Variants in WDR41 observed in about 807,000 individuals in gnomAD.
The protein encoded by WDR41 is WD repeat-containing protein 41.
Under a neutral mutation model 69.3 loss-of-function variants are expected in WDR41, and 63 were observed. That is an observed-to-expected ratio of 0.91 (90% CI 0.74 to 1.12). The LOEUF (loss-of-function observed/expected upper bound fraction) is 1.12, where lower values mean the gene tolerates loss of function less well. WDR41 is among the 50% of genes most tolerant of loss of function. WDR41 has a pLI of 0.00. For missense variants in WDR41, 543 were observed against 534.5 expected (o/e 1.02, Z -0.16); for synonymous variants, 185 against 192.1 (o/e 0.96, Z 0.31).
chr5:77,511,670 C>A (rs1802205329), intron 1 of WDR41, among the ~76,000 whole-genome samples: 2 of 152,120 alleles, frequency 1.3e-5, no homozygotes. Flanking sequence ...TCCATTACAT[C>A]TGCAGTTCTA....
chr5:77,572,574 C>T (rs957943901), intron 1 of WDR41, among the ~76,000 whole-genome samples: 10 of 152,050 alleles, frequency 6.6e-5, no homozygotes, highest in African/African-American at 2.2e-4. Context: ...AATTTTTTAC[C>T]TAACAATTTC....
intron 10 of WDR41, among the ~76,000 whole-genome samples, chr5:77,437,779 AAAT>A (rs1799002904): frequency 6.6e-6 from 1 of 152,152 alleles, no homozygotes; most frequent in Middle Eastern, 3.2e-3. Flanking sequence ...CCTGCATAGA[AAAT>A]AATGATAGTC....
At chr5:77,490,940 A>G (rs1801748536) in intron 1 of WDR41, among the ~76,000 whole-genome samples, 2 of 152,238 alleles carry the variant, frequency 1.3e-5, no homozygotes, top group African/African-American at 2.4e-5. Context: ...CAACAATCCA[A>G]TTTCTTACTT....
At chr5:77,503,612 C>A (rs1001261800) in intron 1 of WDR41, among the ~76,000 whole-genome samples, 18 of 152,116 alleles carry the variant, frequency 1.2e-4, no homozygotes. Flanking sequence ...CTAAAATTGA[C>A]CACATAATTG....
chr5:77,438,188 C>T (rs370492619), intron 10 of WDR41, 52 bp downstream of exon 10: 10 of 1,610,188 alleles, frequency 6.2e-6, no homozygotes, highest in Non-Finnish European at 8.5e-6. Flanking sequence ...ACTGGTAGCC[C>T]TGGGAACTGT....
At chr5:77,554,521 C>T (rs1015289549) in intron 1 of WDR41, among the ~76,000 whole-genome samples, 4 of 151,902 alleles carry the variant, frequency 2.6e-5, no homozygotes, top group African/African-American at 7.3e-5. Context: ...GGAGACAGGC[C>T]CTCTCCAGAA....
At chr5:77,497,251 G>A (rs774971231), upstream of WDR41, among the ~76,000 whole-genome samples, 1 of 152,000 alleles carries the variant, frequency 6.6e-6, no homozygotes, top group Non-Finnish European at 1.5e-5. Context: ...AAACCAATTT[G>A]ACTTCATCAA....
chr5:77,512,355 AGTGTGTGTGTGT>A lies in WDR41; in HGVS notation c.43-22795_43-22784del, dbSNP rs111485869. Among the ~76,000 whole-genome samples, 595 of 119,380 alleles carry A rather than the reference AGTGTGTGTGTGT, an allele frequency of 5.0e-3. 6 individuals carry two copies. Among genetic ancestry groups the A allele is most frequent in the African/African-American group, 0.015 (470 of 31,176 alleles). The allele number at this position is 119,380 out of a possible 152,430, so 78.3% of individuals were successfully genotyped here. A position where few individuals can be genotyped will look rare whatever the true frequency, so the allele number is the denominator to read the frequency against. ...GTGAGAGAGAGAGAGAGAGAGAGTGAGTGTGTGTGTGTGTGTGTGTGTGTGTGTGTGTGTGTG... is the reference window on the plus strand; with the variant it reads ...GTGAGAGAGAGAGAGAGAGAGAGTGAGTGTGTGTGTGTGTGTGTGTGTGTG... On this transcript the variant is annotated intron_variant, in intron 1 of 5. Transcript: ENST00000509971.
intron 1 of WDR41, among the ~76,000 whole-genome samples, chr5:77,568,041 C>G (rs1580013909): frequency 6.6e-6 from 1 of 151,934 alleles, no homozygotes; most frequent in Non-Finnish European, 1.5e-5. Flanking sequence ...TCTATATCAG[C>G]TATACTGACT....
intron 1 of WDR41, among the ~76,000 whole-genome samples, chr5:77,603,691 A>T (rs1580047525): frequency 6.6e-6 from 1 of 152,104 alleles, no homozygotes; most frequent in Admixed American, 6.6e-5. Context: ...TTCTTCCAGT[A>T]GTTTTATAGT....
intron 1 of WDR41, among the ~76,000 whole-genome samples, chr5:77,576,557 C>G (rs1056849087): frequency 6.6e-6 from 1 of 152,126 alleles, no homozygotes; most frequent in Non-Finnish European, 1.5e-5. Context: ...TCTCTGTTCC[C>G]CACTTCTTGA....
intron 1 of WDR41, among the ~76,000 whole-genome samples, chr5:77,523,251 T>C (rs1802399457): frequency 6.6e-6 from 1 of 151,758 alleles, no homozygotes; most frequent in Middle Eastern, 3.2e-3. Context: ...GAGGCGGAGA[T>C]TGCAGTGAGC....
intron 2 of WDR41, among the ~76,000 whole-genome samples, chr5:77,472,260 G>C (rs1800659442): frequency 6.6e-6 from 1 of 152,150 alleles, no homozygotes; most frequent in Non-Finnish European, 1.5e-5. Context: ...ATTAGGTATG[G>C]ATGGGACATA....
chr5:77,566,995 C>T (rs941334923), intron 1 of WDR41, among the ~76,000 whole-genome samples: 8 of 152,144 alleles, frequency 5.3e-5, no homozygotes, highest in African/African-American at 1.7e-4. Flanking sequence ...TATGGTAGTA[C>T]ATGAACCAAC....
chr5:77,565,922 A>G (rs1378880129), intron 1 of WDR41, among the ~76,000 whole-genome samples: 1 of 152,198 alleles, frequency 6.6e-6, no homozygotes, highest in Admixed American at 6.5e-5. Context: ...TCAACACATT[A>G]TTGTAATTAA....
intron 1 of WDR41, among the ~76,000 whole-genome samples, chr5:77,574,162 G>T (rs1244149949): frequency 6.6e-6 from 1 of 152,062 alleles, no homozygotes; most frequent in Admixed American, 6.5e-5. Flanking sequence ...GCCAGGTATG[G>T]TGGCACGTTC....
At chr5:77,435,064 G>A (rs1377857153) in intron 12 of WDR41, among the ~76,000 whole-genome samples, 4 of 152,130 alleles carry the variant, frequency 2.6e-5, no homozygotes, top group African/African-American at 9.7e-5. Flanking sequence ...CTCCGGCCTA[G>A]CCAAGGTGCT....
intron 1 of WDR41, among the ~76,000 whole-genome samples, chr5:77,509,042 G>C (rs1476105089): frequency 6.6e-6 from 1 of 152,202 alleles, no homozygotes; most frequent in African/African-American, 2.4e-5. Flanking sequence ...TTTGAGGCTA[G>C]TGTTTGAGGT....
intron 8 of WDR41, among the ~76,000 whole-genome samples, chr5:77,446,653 C>T (rs1799394320): frequency 6.6e-6 from 1 of 152,110 alleles, no homozygotes; most frequent in South Asian, 2.1e-4. Context: ...TTCAACAAAC[C>T]TGACAAAAAC....
Sources: gnomAD v4.1 joint callset for allele counts (sites outside exome capture counted in the v4.1 genomes callset) on GRCh38, gnomAD v4.1.1 for gene constraint, MANE v1.5 for transcripts, NCBI Gene and HGNC (gene_info 2026-07-23, HGNC 2026-07-21) for gene names.